The following TNS3 variants were observed in gnomAD, a reference collection of about 807,000 sequenced individuals.
TNS3 encodes tensin 3.
TNS3 carries 45 observed loss-of-function variants against 140.9 expected under a neutral mutation model. That is an observed-to-expected ratio of 0.32 (90% CI 0.25 to 0.41). The LOEUF (loss-of-function observed/expected upper bound fraction) is 0.41, where lower values mean the gene tolerates loss of function less well. TNS3 is among the 10% of genes least tolerant of loss of function. The pLI, the probability that TNS3 is intolerant of heterozygous loss-of-function variation, is 1.00. For synonymous variants in TNS3, 815 were observed against 788.4 expected, an observed-to-expected ratio of 1.03 and a Z score of -0.56; for missense variants, 1,716 against 1,906.7, an observed-to-expected ratio of 0.90 and a Z score of 1.86.
intron 4 of TNS3, among the ~76,000 whole-genome samples, chr7:47,458,768 TGAA>T (rs1796363541): frequency 6.6e-6 from 1 of 152,178 alleles, no homozygotes; most frequent in African/African-American, 2.4e-5. Flanking sequence ...CCCCTGTGGC[TGAA>T]GAGCAGGGCC....
intron 4 of TNS3, among the ~76,000 whole-genome samples, chr7:47,446,883 T>TG (rs1397710236): frequency 6.7e-6 from 1 of 150,366 alleles, no homozygotes; most frequent in East Asian, 2.0e-4. Flanking sequence ...TTTGTAGAGA[T>TG]GGGGGTCTCG....
At chr7:47,480,995 T>C (rs1214313791) in intron 4 of TNS3, 108 bp downstream of exon 4, 4 of 803,862 alleles carry the variant, frequency 5.0e-6, no homozygotes, top group African/African-American at 3.6e-5. Context: ...AGGGAGGGCA[T>C]GGATCCTAGA....
intron 16 of TNS3, among the ~76,000 whole-genome samples, chr7:47,381,160 G>A (rs962072984): frequency 6.6e-6 from 1 of 152,184 alleles, no homozygotes; most frequent in Non-Finnish European, 1.5e-5. Flanking sequence ...TGACGTCCAG[G>A]AGCCAGCACC....
intron 1 of TNS3, among the ~76,000 whole-genome samples, chr7:47,550,856 A>G (rs1348634732): frequency 6.6e-6 from 1 of 152,202 alleles, no homozygotes; most frequent in African/African-American, 2.4e-5. Context: ...CGCCCATGGG[A>G]TATTAACAAA....
At chr7:47,347,081 G>A (rs866457994) in intron 17 of TNS3, among the ~76,000 whole-genome samples, 15 of 152,088 alleles carry the variant, frequency 9.9e-5, no homozygotes, top group South Asian at 4.1e-4. Context: ...ACCTGCTGCC[G>A]GCTATTAAAA....
At chr7:47,417,761 C>CA (rs146846028) in intron 10 of TNS3, among the ~76,000 whole-genome samples, 48 of 150,678 alleles carry the variant, frequency 3.2e-4, no homozygotes, top group Middle Eastern at 3.4e-3. Context: ...ACAACAACAA[C>CA]AAAAAAAAAC....
intron 27 of TNS3, among the ~76,000 whole-genome samples, chr7:47,285,568 G>A (rs919991610): frequency 2.0e-5 from 3 of 152,164 alleles, no homozygotes; most frequent in Non-Finnish European, 4.4e-5. Context: ...GTGAAACTGT[G>A]AGTCCATTAA....
chr7:47,468,193 C>T (rs1266360070), intron 4 of TNS3, among the ~76,000 whole-genome samples: 1 of 152,108 alleles, frequency 6.6e-6, no homozygotes, highest in Non-Finnish European at 1.5e-5. Context: ...CACTTGTAAT[C>T]CCAGCACTTT....
chr7:47,414,078 C>T (rs754868935), intron 11 of TNS3, 81 bp from the exon 12 acceptor site: 120 of 1,456,422 alleles, frequency 8.2e-5, no homozygotes, highest in Non-Finnish European at 1.0e-4. Context: ...AGACAGAAAG[C>T]GACGAGGAGA....
intron 13 of TNS3, chr7:47,405,666 G>A: frequency 1.5e-6 from 1 of 687,074 alleles, no homozygotes. Context: ...GTCTAAAAGG[G>A]AGAGGAAAAG....
At chr7:47,538,998 G>C (rs561012601) in intron 1 of TNS3, 5 of 456,478 alleles carry the variant, frequency 1.1e-5, no homozygotes, top group Admixed American at 7.0e-5. Context: ...AAACAGCTAA[G>C]AACAGGATAT....
chr7:47,460,785 T>C (rs1406088824), intron 4 of TNS3, among the ~76,000 whole-genome samples: 1 of 152,154 alleles, frequency 6.6e-6, no homozygotes, highest in African/African-American at 2.4e-5. Context: ...ACTAGGAAGA[T>C]TGGGCAATTT....
chr7:47,532,790 T>A (rs907687820), intron 1 of TNS3, among the ~76,000 whole-genome samples: 4 of 152,174 alleles, frequency 2.6e-5, no homozygotes, highest in African/African-American at 9.7e-5. Flanking sequence ...GCTCTCATAG[T>A]ATTCATGAAG....
rs888014115 is a variant in TNS3, at chr7:47,436,963, C to T, written c.201+300G>A. ...AAACCAGGGAAATGTGAGTGAGGTC[C>T]GTGGACTATACCAATGCCAACTTCC... On this transcript the variant is annotated intron_variant, in intron 7 of 30. Coordinates refer to ENST00000311160, the MANE Select transcript of TNS3 (RefSeq NM_022748.12). Among the ~76,000 whole-genome samples, 7 of 152,028 alleles carry T rather than the reference C, an allele frequency of 4.6e-5. No individual in the cohort carries two copies. In the East Asian group the frequency reaches 1.2e-3, roughly 25 times the overall value.
intron 14 of TNS3, 120 bp downstream of exon 14, chr7:47,400,665 G>T: frequency 6.7e-7 from 1 of 1,497,756 alleles, no homozygotes; most frequent in East Asian, 2.3e-5. Context: ...CCTACTTTGG[G>T]AACAATTTTG....
intron 4 of TNS3, among the ~76,000 whole-genome samples, chr7:47,474,127 C>CACAA (rs1399266665): frequency 6.6e-6 from 1 of 151,294 alleles, no homozygotes; most frequent in Non-Finnish European, 1.5e-5. Flanking sequence ...AACACACACA[C>CACAA]ACACACACAC....
intron 16 of TNS3, among the ~76,000 whole-genome samples, chr7:47,389,160 A>C (rs58720018): frequency 0.046 from 3,302 of 71,422 alleles, 954 homozygotes; most frequent in Non-Finnish European, 0.064. Context: ...GAAGAAGCAG[A>C]AGAAGCAGCA....
chr7:47,531,523 T>C (rs962161406), intron 1 of TNS3, among the ~76,000 whole-genome samples: 5 of 152,346 alleles, frequency 3.3e-5, no homozygotes, highest in African/African-American at 1.2e-4. Context: ...CCAGAAATGC[T>C]AATTACACAG....
chr7:47,534,223 G>A (rs1176897047), intron 1 of TNS3, among the ~76,000 whole-genome samples: 2 of 151,946 alleles, frequency 1.3e-5, no homozygotes, highest in African/African-American at 2.4e-5. Flanking sequence ...GCAGTAGGCC[G>A]AGATCATGGC....
Sources: gnomAD v4.1 joint callset for allele counts (sites outside exome capture counted in the v4.1 genomes callset) on GRCh38, gnomAD v4.1.1 for gene constraint, MANE v1.5 for transcripts, NCBI Gene and HGNC (gene_info 2026-07-23, HGNC 2026-07-21) for gene names.